TANK: variants seen among roughly 807,000 people sequenced by gnomAD.
The protein encoded by TANK is TRAF family member-associated NF-kappa-B activator.
TANK carries 15 observed loss-of-function variants against 43.6 expected under a neutral mutation model. That is an observed-to-expected ratio of 0.34 (90% CI 0.23 to 0.53). TANK has a LOEUF of 0.53. TANK is among the 20% of genes least tolerant of loss of function. The probability of loss-of-function intolerance (pLI) is 0.94; values close to 1 mark genes in which losing one functional copy is unlikely to be tolerated. For missense variants in TANK, 417 were observed against 498.6 expected, an observed-to-expected ratio of 0.84 and a Z score of 1.56; for synonymous variants, 162 against 178.2, an observed-to-expected ratio of 0.91 and a Z score of 0.73.
At chr2:161,155,295 T>C (rs902226322) in intron 1 of TANK, among the ~76,000 whole-genome samples, 2 of 152,156 alleles carry the variant, frequency 1.3e-5, no homozygotes, top group African/African-American at 4.8e-5. Flanking sequence ...TATTAGGTAA[T>C]AATTTATATC....
At chr2:161,230,051 G>T (rs1268562068) in intron 6 of TANK, among the ~76,000 whole-genome samples, 3 of 152,136 alleles carry the variant, frequency 2.0e-5, no homozygotes, top group African/African-American at 7.2e-5. Context: ...TTTAGCTCTT[G>T]TTGATATCTA....
chr2:161,224,641 G>T lies in TANK; in HGVS notation c.415G>T (p.Glu139Ter). The change falls in exon 6 of 8, where the codon GAG becomes TAG. Residue 139 changes from glutamate to a stop codon, truncating the protein, a stop_gained. Transcript: ENST00000392749. LOFTEE classifies it high-confidence loss of function. ...GATTTTTTTTTTTAGGGGTAATATA[G>T]AGAAGACTTTCTGGGATCTGAAAGA... ...SPLLHERGNI[E>*]KTFWDLKEEF... 3 of 1,549,098 alleles carry T rather than the reference G, an allele frequency of 1.9e-6. No homozygotes were observed. The highest frequency in any genetic ancestry group is 2.6e-6 in the Non-Finnish European group (3 of 1,139,574).
At chr2:161,185,741 T>C (rs1274503596) in intron 2 of TANK, among the ~76,000 whole-genome samples, 4 of 146,048 alleles carry the variant, frequency 2.7e-5, no homozygotes, top group South Asian at 2.3e-4. Context: ...AGGGATAGCA[T>C]TGGGAGATAT....
chr2:161,219,852 G>A (rs1687266010), intron 4 of TANK: 1 of 391,786 alleles, frequency 2.6e-6, no homozygotes, highest in Non-Finnish European at 5.1e-6. Flanking sequence ...AGTGACAAAT[G>A]AATCTTTATT....
chr2:161,231,027 C>CT lies in TANK; in HGVS notation c.578dup (p.Phe194ValfsTer2). 6.2e-7 allele frequency: 1 copy of CT among 1,614,136 alleles called. No homozygotes were observed. The highest frequency in any genetic ancestry group is 8.5e-7 in the Non-Finnish European group (1 of 1,180,022). On this transcript the variant is annotated frameshift_variant, in exon 7 of 8. Coordinates refer to ENST00000392749, the MANE Select transcript of TANK (RefSeq NM_001199135.3). LOFTEE classifies it high-confidence loss of function. ...GGATAAAACAGATAAACAAGAAGCG[C>CT]TGTTTAAGCCTCAGGCTAAAGATGA...
chr2:161,171,010 C>T (rs991823729), intron 1 of TANK, among the ~76,000 whole-genome samples: 10 of 151,934 alleles, frequency 6.6e-5, no homozygotes, highest in Middle Eastern at 3.4e-3. Flanking sequence ...TTATTTTTTT[C>T]CAGAGGCAAA....
chr2:161,220,870 G>A (rs184852951), intron 4 of TANK, among the ~76,000 whole-genome samples: 40 of 152,200 alleles, frequency 2.6e-4, no homozygotes, highest in Admixed American at 2.6e-3. Context: ...GATTATTTTT[G>A]CATCAATAAT....
chr2:161,206,621 C>T (rs151229139), intron 4 of TANK, among the ~76,000 whole-genome samples: 216 of 151,990 alleles, frequency 1.4e-3, no homozygotes, highest in Admixed American at 3.6e-3. Context: ...TTCTTCACCC[C>T]CATTCGAATT....
intron 1 of TANK, among the ~76,000 whole-genome samples, chr2:161,164,466 A>T (rs1200971542): frequency 3.9e-5 from 6 of 152,184 alleles, no homozygotes; most frequent in African/African-American, 4.8e-5. Context: ...TTATTTAGAT[A>T]TGTAACAAAA....
chr2:161,203,138 T>TATAGC (rs1686495474), intron 2 of TANK, among the ~76,000 whole-genome samples: 1 of 152,162 alleles, frequency 6.6e-6, no homozygotes, highest in South Asian at 2.1e-4. Flanking sequence ...ATCACTTTAA[T>TATAGC]ATAGCATCTG....
exon 1 of TANK, chr2:161,137,048 G>A (rs1321133624): frequency 1.0e-6 from 1 of 985,428 alleles, no homozygotes; most frequent in Non-Finnish European, 1.2e-6. Context: ...AGGAAGACTT[G>A]TAACCTGGAG....
At chr2:161,181,656 A>C (rs779294443) in intron 2 of TANK, among the ~76,000 whole-genome samples, 1 of 152,044 alleles carries the variant, frequency 6.6e-6, no homozygotes, top group East Asian at 1.9e-4. Context: ...ATCAAATCTC[A>C]TGAGAACTCA....
intron 2 of TANK, among the ~76,000 whole-genome samples, chr2:161,189,712 G>A (rs1267077): frequency 0.82 from 125,200 of 152,150 alleles, 51,647 homozygotes; most frequent in East Asian, 1. Flanking sequence ...TACAAAATCA[G>A]CATGCAAAAA....
chr2:161,139,352 CT>C (rs1426438599), intron 1 of TANK, among the ~76,000 whole-genome samples: 3 of 152,076 alleles, frequency 2.0e-5, no homozygotes. Flanking sequence ...TGCCAAGTAC[CT>C]TGTTTACTAG....
In TANK at chr2:161,160,428, A is replaced by G. The variant is rs919778199; in HGVS notation, c.-108A>G. On this transcript the variant is annotated 5_prime_UTR_variant, in exon 1 of 8. Coordinates refer to ENST00000392749, the MANE Select transcript of TANK (RefSeq NM_001199135.3). ...CAAAATGCAACTTCCGGTTGGAGTCACTCGGCCAGGCGCCGGCGACCTGAG... is the reference window on the plus strand; with the variant it reads ...CAAAATGCAACTTCCGGTTGGAGTCGCTCGGCCAGGCGCCGGCGACCTGAG... 2.7e-5 allele frequency: 33 copies of G among 1,240,684 alleles called. No homozygotes were observed. Among genetic ancestry groups the G allele is most frequent in the African/African-American group, 4.6e-5 (3 of 64,760 alleles). 76.9% of individuals were successfully genotyped at this position (1,240,684 alleles called of 1,614,324 possible).
At chr2:161,195,401 C>T (rs998920365) in intron 2 of TANK, among the ~76,000 whole-genome samples, 2 of 152,124 alleles carry the variant, frequency 1.3e-5, no homozygotes, top group African/African-American at 4.8e-5. Flanking sequence ...TGACCTAATC[C>T]AGCAGGTCAG....
At chr2:161,226,542 A>T (rs564067061) in intron 6 of TANK, among the ~76,000 whole-genome samples, 1 of 152,298 alleles carries the variant, frequency 6.6e-6, no homozygotes, top group South Asian at 2.1e-4. Flanking sequence ...ACTATTTTGA[A>T]TATGATTTGC....
At chr2:161,183,241 A>C (rs1274439655) in intron 2 of TANK, among the ~76,000 whole-genome samples, 1 of 152,216 alleles carries the variant, frequency 6.6e-6, no homozygotes, top group East Asian at 1.9e-4. Flanking sequence ...CCATTATGGA[A>C]TACCTATGAA....
At chr2:161,150,217 T>G (rs1684035202) in intron 1 of TANK, among the ~76,000 whole-genome samples, 4 of 152,214 alleles carry the variant, frequency 2.6e-5, no homozygotes, top group Admixed American at 6.5e-5. Context: ...CTATGTGTTT[T>G]TAGGAATTTG....
Sources: gnomAD v4.1 joint callset for allele counts (sites outside exome capture counted in the v4.1 genomes callset) on GRCh38, gnomAD v4.1.1 for gene constraint, MANE v1.5 for transcripts, NCBI Gene and HGNC (gene_info 2026-07-23, HGNC 2026-07-21) for gene names.